Variants in SGCZ observed in about 807,000 individuals in gnomAD.
The protein encoded by SGCZ is zeta-sarcoglycan.
SGCZ carries 40 observed loss-of-function variants against 41.3 expected under a neutral mutation model. That is an observed-to-expected ratio of 0.97 (90% CI 0.75 to 1.26). The LOEUF (loss-of-function observed/expected upper bound fraction) is 1.26. Among genes scored for constraint, SGCZ ranks in the 50% most tolerant of loss-of-function variants. SGCZ has a pLI of 0.00. For synonymous variants in SGCZ, 206 were observed against 137.5 expected (o/e 1.50, Z -3.49); for missense variants, 552 against 369.8 (o/e 1.49, Z -4.04).
intron 2 of SGCZ, among the ~76,000 whole-genome samples, chr8:14,338,996 A>G (rs759883309): frequency 3.3e-5 from 5 of 152,186 alleles, no homozygotes; most frequent in African/African-American, 7.2e-5. Flanking sequence ...ATGAAATTGA[A>G]CTTTAATCTA....
At chr8:14,989,546 G>A (rs889126936) in intron 1 of SGCZ, among the ~76,000 whole-genome samples, 4 of 152,050 alleles carry the variant, frequency 2.6e-5, no homozygotes, top group African/African-American at 9.7e-5. Flanking sequence ...GGTCTATCAA[G>A]GTGGGTAAGC....
chr8:14,164,825 G>C, intron 4 of SGCZ, 123 bp from the exon 5 acceptor site: 2 of 1,201,430 alleles, frequency 1.7e-6, no homozygotes, highest in Non-Finnish European at 2.3e-6. Flanking sequence ...TGTATGTTTT[G>C]CATCTGAGTT....
At chr8:14,325,192 T>C (rs868441703) in intron 2 of SGCZ, among the ~76,000 whole-genome samples, 1 of 152,118 alleles carries the variant, frequency 6.6e-6, no homozygotes, top group Non-Finnish European at 1.5e-5. Flanking sequence ...AGAAGTACTG[T>C]TTAGGGCTAA....
In SGCZ at chr8:14,797,767, GC is replaced by G. The variant is rs372485530; in HGVS notation, c.40-242842del. ...AATGGTTTCCTGGGGTGGGTCCAGG[GC>G]CCCCTTGCTGTGTGCAGCCTAGGGA... On this transcript the variant is annotated intron_variant, in intron 1 of 7. Transcript: ENST00000382080. 2.8e-3 allele frequency among the ~76,000 whole-genome samples: 422 copies of G among 152,240 alleles called. 3 individuals carry two copies. The highest frequency in any genetic ancestry group is 9.6e-3 in the African/African-American group (401 of 41,556).
In SGCZ at chr8:14,555,911, GA is replaced by G. The variant is rs563869581; in HGVS notation, c.40-986del. Among the ~76,000 whole-genome samples the G allele has an allele frequency of 3.6e-3, 540 of 151,816 alleles. 3 individuals carry two copies. The highest frequency in any genetic ancestry group is 0.013 in the African/African-American group (521 of 41,442). On this transcript the variant is annotated intron_variant, in intron 1 of 7. Coordinates refer to ENST00000382080, the MANE Select transcript of SGCZ (RefSeq NM_139167.4). ...TTAGTTGTATTTCAATGAGTTATCA[GA>G]AAAAAATATTTAACTCTAAGAACAC...
chr8:14,494,708 G>C (rs1342533765), intron 2 of SGCZ, among the ~76,000 whole-genome samples: 2 of 152,172 alleles, frequency 1.3e-5, no homozygotes, highest in Non-Finnish European at 2.9e-5. Flanking sequence ...AAAGATAGAA[G>C]ATCAGCCTTA....
At chr8:15,076,810 T>G (rs1805550866) in intron 1 of SGCZ, among the ~76,000 whole-genome samples, 1 of 150,718 alleles carries the variant, frequency 6.6e-6, no homozygotes, top group African/African-American at 2.5e-5. Context: ...CCTCCAGCAT[T>G]CCCTTTTTCG....
chr8:15,120,419 G>A (rs554442226), intron 1 of SGCZ, among the ~76,000 whole-genome samples: 4 of 151,852 alleles, frequency 2.6e-5, no homozygotes, highest in South Asian at 2.1e-4. Context: ...CTACATTTTC[G>A]TCACTATTTC....
At chr8:15,140,461 A>G (rs1465485470) in intron 1 of SGCZ, among the ~76,000 whole-genome samples, 1 of 152,186 alleles carries the variant, frequency 6.6e-6, no homozygotes, top group Non-Finnish European at 1.5e-5. Flanking sequence ...TCATTTATAG[A>G]AAGATCACTT....
intron 1 of SGCZ, among the ~76,000 whole-genome samples, chr8:14,654,568 T>G (rs1287804139): frequency 1.3e-5 from 2 of 151,960 alleles, no homozygotes; most frequent in Non-Finnish European, 2.9e-5. Context: ...CATCATTACT[T>G]CTTTTGTTGT....
At chr8:14,527,904 A>G (rs908439372) in intron 2 of SGCZ, among the ~76,000 whole-genome samples, 11 of 152,066 alleles carry the variant, frequency 7.2e-5, no homozygotes, top group Non-Finnish European at 2.9e-5. Flanking sequence ...AGTCCAAAAA[A>G]AGTGGGAGGT....
intron 5 of SGCZ, among the ~76,000 whole-genome samples, chr8:14,147,577 T>C (rs1218351831): frequency 6.6e-6 from 1 of 152,136 alleles, no homozygotes; most frequent in Middle Eastern, 3.2e-3. Flanking sequence ...GAAACATTAT[T>C]ATAACTAAAA....
At chr8:15,039,608 T>C (rs1200803333) in intron 1 of SGCZ, among the ~76,000 whole-genome samples, 1 of 152,202 alleles carries the variant, frequency 6.6e-6, no homozygotes, top group African/African-American at 2.4e-5. Context: ...TGTAACTTTG[T>C]TGAGAATATT....
chr8:14,684,756 T>C (rs1449752443), intron 1 of SGCZ, among the ~76,000 whole-genome samples: 1 of 151,982 alleles, frequency 6.6e-6, no homozygotes, highest in African/African-American at 2.4e-5. Flanking sequence ...TATATAAAAT[T>C]GCTGCAAAGA....
At chr8:14,188,853 T>C (rs1189153475) in intron 4 of SGCZ, among the ~76,000 whole-genome samples, 10 of 139,574 alleles carry the variant, frequency 7.2e-5, no homozygotes, top group Admixed American at 3.0e-4. Context: ...TTTTTTGAGA[T>C]GGAGTTTCGC....
intron 1 of SGCZ, among the ~76,000 whole-genome samples, chr8:14,757,162 C>T (rs1369189675): frequency 1.3e-5 from 2 of 152,130 alleles, no homozygotes. Flanking sequence ...ATTTCTCCTG[C>T]CTCAGCCTCC....
chr8:14,761,991 G>A (rs994526420), intron 1 of SGCZ, among the ~76,000 whole-genome samples: 4 of 152,126 alleles, frequency 2.6e-5, no homozygotes, highest in Non-Finnish European at 5.9e-5. Flanking sequence ...ACAGGGTTCA[G>A]TAAACTGAAC....
intron 1 of SGCZ, among the ~76,000 whole-genome samples, chr8:14,613,453 C>A (rs1426978917): frequency 6.6e-6 from 1 of 152,010 alleles, no homozygotes; most frequent in Admixed American, 6.6e-5. Context: ...CTTTTGGGAC[C>A]ATGAAATTCA....
chr8:14,686,655 A>T (rs562206566), intron 1 of SGCZ, among the ~76,000 whole-genome samples: 3 of 152,100 alleles, frequency 2.0e-5, no homozygotes, highest in Non-Finnish European at 4.4e-5. Flanking sequence ...TAGAGATTTC[A>T]GGTTTAGACA....
Sources: gnomAD v4.1 joint callset for allele counts (sites outside exome capture counted in the v4.1 genomes callset) on GRCh38, gnomAD v4.1.1 for gene constraint, MANE v1.5 for transcripts, NCBI Gene and HGNC (gene_info 2026-07-23, HGNC 2026-07-21) for gene names.